TTI1: variants seen among roughly 807,000 people sequenced by gnomAD.
The protein encoded by TTI1 is TELO2 interacting protein 1, also known as TELO2-interacting protein 1 homolog.
TTI1 carries 52 observed loss-of-function variants against 85.4 expected under a neutral mutation model. That is an observed-to-expected ratio of 0.61 (90% CI 0.49 to 0.77). The LOEUF is 0.77. Among genes scored for constraint, TTI1 ranks in the 30% least tolerant of loss-of-function variants. TTI1 has a pLI of 0.00. For missense variants in TTI1, 1,173 were observed against 1,296.0 expected, an observed-to-expected ratio of 0.91 and a Z score of 1.46; for synonymous variants, 512 against 503.9, an observed-to-expected ratio of 1.02 and a Z score of -0.22.
rs1395392578 is a variant in TTI1 at position 38,013,149 on chromosome 20, C to T, written c.668G>A (p.Gly223Glu). Residue 223 changes from glycine (G) to glutamate (E), a missense_variant, in exon 2 of 8, where the codon GGA (glycine) becomes GAA (glutamate). Transcript: ENST00000373447. ...ISTALTRLIT[G>E]DFKQGHSIVV... ...AATGCTGTGACCTTGTTTAAAGTCT[C>T]CTGTGATAAGCCTGGTCAGTGCAGT... 1 of 1,614,016 alleles carries T rather than the reference C, an allele frequency of 6.2e-7. No homozygotes were observed. Among genetic ancestry groups the T allele is most frequent in the Admixed American group, 1.7e-5 (1 of 60,006 alleles).
chr20:38,019,635 A>G (rs1454391392), intron 1 of TTI1, among the ~76,000 whole-genome samples: 2 of 152,266 alleles, frequency 1.3e-5, no homozygotes, highest in East Asian at 1.9e-4. Context: ...TGCAAAAAAA[A>G]AGAAATAAAA....
At chr20:38,025,900 A>T (rs376998804) in intron 1 of TTI1, among the ~76,000 whole-genome samples, 3 of 152,318 alleles carry the variant, frequency 2.0e-5, no homozygotes, top group African/African-American at 7.2e-5. Context: ...AATCTGAACA[A>T]CAGAGAAAAA....
chr20:37,992,620 G>C (rs546564718), intron 7 of TTI1, among the ~76,000 whole-genome samples: 21 of 152,112 alleles, frequency 1.4e-4, no homozygotes, highest in Non-Finnish European at 2.8e-4. Flanking sequence ...GTCTAGTTTT[G>C]TTTCCTTTTA....
intron 7 of TTI1, chr20:37,987,477 T>C: frequency 2.6e-6 from 1 of 383,732 alleles, no homozygotes; most frequent in Non-Finnish European, 5.1e-6. Context: ...ATGTACACCA[T>C]TTAACTCCTG....
In TTI1 at chr20:38,013,081, T is replaced by C. The variant is rs375591887; in HGVS notation, c.736A>G (p.Ile246Val). ...CTTTTGAGCTGTTCATCAGCCATAA[T>C]GAAGCTCACTGTCTTGTAAAAGATC... ...LKIFYKTVSF[I>V]MADEQLKRIS... The change falls in exon 2 of 8, where the codon ATT becomes GTT. Residue 246 changes from isoleucine (I) to valine (V), a missense_variant. Ile to Val is a conservative substitution (Grantham distance 29, BLOSUM62 3). Transcript: ENST00000373447. The C allele has an allele frequency of 1.2e-5, 19 of 1,614,238 alleles. No homozygotes were observed. The highest frequency in any genetic ancestry group is 2.2e-5 in the South Asian group (2 of 91,084).
chr20:37,998,117 A>G (rs1255155494), intron 5 of TTI1, among the ~76,000 whole-genome samples: 1 of 152,030 alleles, frequency 6.6e-6, no homozygotes, highest in Admixed American at 6.5e-5. Context: ...TTTAGTGGAG[A>G]CAGGGTTTCA....
At chr20:38,028,828 C>T (rs943913951) in intron 1 of TTI1, among the ~76,000 whole-genome samples, 2 of 152,186 alleles carry the variant, frequency 1.3e-5, no homozygotes, top group African/African-American at 4.8e-5. Context: ...CCCACCTCAG[C>T]GTTCTGAGTG....
intron 1 of TTI1, among the ~76,000 whole-genome samples, chr20:38,024,376 AC>A (rs567024886): frequency 6.2e-4 from 94 of 152,116 alleles, no homozygotes; most frequent in Admixed American, 2.5e-3. Flanking sequence ...TATAACTAAA[AC>A]CCCTGGACAT....
At chr20:37,999,375 T>C (rs2073388863) in intron 4 of TTI1, 47 bp from the exon 5 acceptor site, 5 of 1,340,608 alleles carry the variant, frequency 3.7e-6, no homozygotes, top group Non-Finnish European at 4.8e-6. Context: ...TGAAAACAGA[T>C]ACCTGGGATC....
chr20:38,007,513 C>T (rs995189880), intron 2 of TTI1, among the ~76,000 whole-genome samples: 1 of 152,186 alleles, frequency 6.6e-6, no homozygotes, highest in African/African-American at 2.4e-5. Flanking sequence ...AACAACTCAG[C>T]TCTAATTTCA....
Position 38,011,830 on chromosome 20 carries a change from G to T in TTI1, c.1987C>A (p.Gln663Lys), listed in dbSNP as rs1057237. 6.2e-7 allele frequency: 1 copy of T among 1,614,220 alleles called. No homozygotes were observed. Among genetic ancestry groups the T allele is most frequent in the South Asian group, 1.1e-5 (1 of 91,082 alleles). The stretch of plus-strand genomic sequence containing the variant: ...GCCACCTGACTAATGAGTAGGGTTT[G>T]GTCTCCAGCCTTCTCCAGTACTGGA... ...LYPVLEKAGD[Q>K]TLLISQVATS... The change falls in exon 2 of 8, where the codon CAA becomes AAA. Residue 663 changes from glutamine to lysine, a missense_variant. Coordinates refer to ENST00000373447, the MANE Select transcript of TTI1 (RefSeq NM_001303457.2).
At chr20:37,994,297 C>G (rs2073307687) in intron 7 of TTI1, among the ~76,000 whole-genome samples, 1 of 152,140 alleles carries the variant, frequency 6.6e-6, no homozygotes, top group Non-Finnish European at 1.5e-5. Context: ...CCATGCCCAG[C>G]TAACTTTTTG....
chr20:38,002,844 TC>T, intron 3 of TTI1, 68 bp from the exon 4 acceptor site: 3 of 1,591,068 alleles, frequency 1.9e-6, no homozygotes, highest in Non-Finnish European at 2.6e-6. Flanking sequence ...AAATTTCTGT[TC>T]TTTATAAATT....
chr20:38,020,323 A>AAAAAAATATATATAT, intron 1 of TTI1, among the ~76,000 whole-genome samples: 33 of 50,366 alleles, frequency 6.6e-4, no homozygotes, highest in South Asian at 9.2e-4. Flanking sequence ...AAAAAAAAAA[A>AAAAAAATATATATAT]ATATATATAT....
chr20:38,014,504 G>A (rs2073653021), intron 1 of TTI1, among the ~76,000 whole-genome samples: 1 of 152,140 alleles, frequency 6.6e-6, no homozygotes, highest in Admixed American at 6.5e-5. Flanking sequence ...GGGTGATATG[G>A]TCAACTTTAT....
intron 2 of TTI1, among the ~76,000 whole-genome samples, chr20:38,008,836 T>C (rs2073538691): frequency 6.6e-6 from 1 of 152,238 alleles, no homozygotes; most frequent in Non-Finnish European, 1.5e-5. Flanking sequence ...TACTTCCTGT[T>C]CAAAAAGTGA....
At chr20:38,000,051 C>T (rs1368149070) in intron 4 of TTI1, among the ~76,000 whole-genome samples, 1 of 152,096 alleles carries the variant, frequency 6.6e-6, no homozygotes, top group African/African-American at 2.4e-5. Context: ...GTGATGTGGC[C>T]GCGTGATGGC....
intron 4 of TTI1, among the ~76,000 whole-genome samples, chr20:38,001,612 G>A (rs146706307): frequency 2.0e-3 from 297 of 152,258 alleles, no homozygotes; most frequent in African/African-American, 6.5e-3. Flanking sequence ...CAACACAGGC[G>A]CTGAGATTTG....
Position 38,002,742 on chromosome 20 carries a change from A to T in TTI1, c.2538T>A (p.Asn846Lys). 1.2e-6 allele frequency: 2 copies of T among 1,614,240 alleles called. No individual in the cohort carries two copies. Among genetic ancestry groups the T allele is most frequent in the Non-Finnish European group, 1.7e-6 (2 of 1,180,048 alleles). The change falls in exon 4 of 8, where the codon AAT (asparagine) becomes AAA (lysine). Residue 846 changes from asparagine to lysine, a missense_variant. Physicochemically the swap from Asn to Lys is moderately conservative, Grantham distance 94. Transcript: ENST00000373447. ...GTGGCTCCACATCTGGACGGGTGTC[A>T]TTCTCATCCACTTTGGGAGGGACTG... The part of the protein sequence containing the change: ...EQSVPPKVDE[N>K]DTRPDVEPPL...
Sources: gnomAD v4.1 joint callset for allele counts (sites outside exome capture counted in the v4.1 genomes callset) on GRCh38, gnomAD v4.1.1 for gene constraint, MANE v1.5 for transcripts, NCBI Gene and HGNC (gene_info 2026-07-23, HGNC 2026-07-21) for gene names.